The following THEMIS variants were observed in gnomAD, a reference collection of about 807,000 sequenced individuals.
The protein encoded by THEMIS is thymocyte selection associated.
THEMIS carries 37 observed loss-of-function variants against 52.6 expected under a neutral mutation model. The observed-to-expected ratio is 0.70, with a 90% CI of 0.54 to 0.93. The LOEUF (loss-of-function observed/expected upper bound fraction) is 0.93, where lower values mean the gene tolerates loss of function less well. Among genes scored for constraint, THEMIS ranks in the 40% least tolerant of loss-of-function variants. The pLI is 0.00. For synonymous variants in THEMIS, 292 were observed against 272.7 expected (o/e 1.07, Z -0.70); for missense variants, 808 against 763.1 (o/e 1.06, Z -0.69).
At chr6:127,819,118 T>TAAAAAAAAAAA (rs142123167) in intron 3 of THEMIS, among the ~76,000 whole-genome samples, 2 of 19,480 alleles carry the variant, frequency 1.0e-4, no homozygotes, top group African/African-American at 2.0e-4. Context: ...AGACTCTGTC[T>TAAAAAAAAAAA]AAAAAAAAAA....
intron 1 of THEMIS, among the ~76,000 whole-genome samples, chr6:127,877,877 T>A (rs1386620282): frequency 2.0e-5 from 3 of 152,020 alleles, no homozygotes; most frequent in Admixed American, 1.3e-4. Context: ...TATTTACTTG[T>A]GAAGCACAAA....
At chr6:127,759,527 G>A (rs1367256261) in intron 4 of THEMIS, among the ~76,000 whole-genome samples, 4 of 151,934 alleles carry the variant, frequency 2.6e-5, no homozygotes, top group African/African-American at 4.8e-5. Flanking sequence ...CTTCCTCATC[G>A]CAGTAAGTGG....
chr6:127,811,127 A>T (rs536262640), intron 4 of THEMIS, among the ~76,000 whole-genome samples: 1 of 152,288 alleles, frequency 6.6e-6, no homozygotes, highest in Admixed American at 6.5e-5. Context: ...TATAGATTTG[A>T]CTGTCTATGG....
Position 127,720,127 on chromosome 6 carries a change from TTTAC to T in THEMIS, c.1759-308_1759-305del, listed in dbSNP as rs999195503. 4.6e-5 allele frequency among the ~76,000 whole-genome samples: 7 copies of T among 151,930 alleles called. 1 individual carries two copies. Among genetic ancestry groups the T allele is most frequent in the Admixed American group, 2.0e-4 (3 of 15,214 alleles). ...TAAAATATTTTTCATTTAGAAAATT[TTTAC>T]TTAGTTTTTATTATTATAGTTAACT... is the stretch of plus-strand genomic sequence containing the variant. On this transcript the variant is annotated intron_variant, in intron 4 of 5. Coordinates refer to ENST00000368248, the MANE Select transcript of THEMIS (RefSeq NM_001010923.3).
chr6:127,865,280 G>A (rs1249303585), intron 1 of THEMIS, among the ~76,000 whole-genome samples: 1 of 152,108 alleles, frequency 6.6e-6, no homozygotes, highest in East Asian at 1.9e-4. Context: ...TGTTAGAGTG[G>A]CCAAAGGTCC....
intron 3 of THEMIS, among the ~76,000 whole-genome samples, chr6:127,815,892 C>A (rs976176161): frequency 1.7e-4 from 26 of 152,152 alleles, no homozygotes; most frequent in African/African-American, 6.3e-4. Context: ...TCAATACAAG[C>A]TAGATCCCAA....
At chr6:127,806,586 T>A (rs955669571) in intron 4 of THEMIS, among the ~76,000 whole-genome samples, 3 of 152,106 alleles carry the variant, frequency 2.0e-5, no homozygotes, top group Non-Finnish European at 2.9e-5. Flanking sequence ...CCAGAGAAAA[T>A]CAGTATTTTA....
At chr6:127,729,969 T>C (rs1774703706) in intron 4 of THEMIS, among the ~76,000 whole-genome samples, 1 of 152,170 alleles carries the variant, frequency 6.6e-6, no homozygotes, top group Non-Finnish European at 1.5e-5. Flanking sequence ...GATGTCAAAT[T>C]ATTTTTAAAA....
chr6:127,879,884 C>G (rs552294835), intron 1 of THEMIS, among the ~76,000 whole-genome samples: 8 of 152,110 alleles, frequency 5.3e-5, no homozygotes, highest in African/African-American at 1.7e-4. Context: ...CCTACCAGCT[C>G]CGGGAAATGC....
chr6:127,875,426 G>C (rs1454749841), intron 1 of THEMIS, among the ~76,000 whole-genome samples: 1 of 152,194 alleles, frequency 6.6e-6, no homozygotes, highest in Non-Finnish European at 1.5e-5. Context: ...AGCCATTAGG[G>C]AAGTCAACAT....
At chr6:127,727,927 A>G (rs1181264176) in intron 4 of THEMIS, among the ~76,000 whole-genome samples, 2 of 151,960 alleles carry the variant, frequency 1.3e-5, no homozygotes, top group Non-Finnish European at 2.9e-5. Context: ...CACAAGCTCT[A>G]TTTCTGATCC....
rs780463728 is a variant in THEMIS at position 127,813,956 on chromosome 6, T to C, written c.710-25A>G. 27 of 1,506,116 alleles carry C rather than the reference T, an allele frequency of 1.8e-5. No individual in the cohort carries two copies. In the East Asian group the frequency reaches 3.9e-4, roughly 22 times the overall value. 93.3% of individuals were successfully genotyped at this position (1,506,116 alleles called of 1,614,324 possible). ...ACTAAAAAGAAAAAATAAATCACTA[T>C]GATATTTTTGTACTTCAAAACGTTT... is the stretch of plus-strand genomic sequence containing the variant. On this transcript the variant is annotated intron_variant, in intron 3 of 5. Transcript: ENST00000368248.
At chr6:127,833,431 G>T (rs1257342886) in intron 2 of THEMIS, among the ~76,000 whole-genome samples, 2 of 152,076 alleles carry the variant, frequency 1.3e-5, no homozygotes, top group African/African-American at 2.4e-5. Context: ...TACTATAGGG[G>T]GATATGAAAA....
At chr6:127,845,791 A>G (rs1279893271) in intron 2 of THEMIS, among the ~76,000 whole-genome samples, 2 of 151,928 alleles carry the variant, frequency 1.3e-5, no homozygotes, top group Non-Finnish European at 2.9e-5. Context: ...CTAACCCAAA[A>G]ACTTAAAAAG....
At chr6:127,800,703 G>T (rs1485292300) in intron 4 of THEMIS, among the ~76,000 whole-genome samples, 3 of 152,168 alleles carry the variant, frequency 2.0e-5, no homozygotes, top group Non-Finnish European at 4.4e-5. Flanking sequence ...GAGTGCAGCA[G>T]AATATAAGGA....
chr6:127,774,351 GCCAGC>G (rs1022831304), intron 4 of THEMIS, among the ~76,000 whole-genome samples: 23 of 152,138 alleles, frequency 1.5e-4, no homozygotes, highest in Non-Finnish European at 5.9e-5. Context: ...GACTAAGGGC[GCCAGC>G]CACCATGCCC....
the THEMIS span, among the ~76,000 whole-genome samples, chr6:127,698,136 C>G: frequency 1.3e-5 from 2 of 152,022 alleles, no homozygotes; most frequent in Non-Finnish European, 2.9e-5. Flanking sequence ...TTAATTGAAT[C>G]ATTTATGGTT....
chr6:127,907,632 C>CT (rs1781309442), intron 1 of THEMIS, among the ~76,000 whole-genome samples: 1 of 151,584 alleles, frequency 6.6e-6, no homozygotes, highest in African/African-American at 2.4e-5. Context: ...GTTGTCTCAG[C>CT]TAAATCACAA....
chr6:127,727,007 A>G (rs943043664), intron 4 of THEMIS, among the ~76,000 whole-genome samples: 4 of 152,164 alleles, frequency 2.6e-5, no homozygotes, highest in African/African-American at 9.6e-5. Context: ...ACTCTCAAAG[A>G]TGTCAGCCTT....
Sources: allele counts gnomAD v4.1 joint callset (sites outside exome capture counted in the v4.1 genomes callset), GRCh38; gene constraint gnomAD v4.1.1; transcripts MANE v1.5; gene names NCBI Gene and HGNC (gene_info 2026-07-23, HGNC 2026-07-21).